Variants in ME1 observed in about 807,000 individuals in gnomAD.
ME1 encodes NADP-dependent malic enzyme.
ME1 carries 74 observed loss-of-function variants against 66.4 expected under a neutral mutation model. The observed-to-expected ratio is 1.11, with a 90% confidence interval of 0.92 to 1.35. The LOEUF (loss-of-function observed/expected upper bound fraction) is 1.35, where lower values mean the gene tolerates loss of function less well. Ranked by LOEUF, ME1 falls within the 40% of genes most tolerant of loss-of-function variation. The pLI is 0.00. For missense variants in ME1, 750 were observed against 694.1 expected, an observed-to-expected ratio of 1.08 and a Z score of -0.90; for synonymous variants, 251 against 235.6, an observed-to-expected ratio of 1.07 and a Z score of -0.60.
chr6:83,349,421 A>G (rs1768755625), intron 4 of ME1, among the ~76,000 whole-genome samples: 1 of 151,282 alleles, frequency 6.6e-6, no homozygotes, highest in Admixed American at 6.7e-5. Context: ...TAAGACAACT[A>G]CAATTCTATC....
rs540640359 is a variant in ME1 at position 83,224,730 on chromosome 6, A to T, written c.1276-797T>A. On this transcript the variant is annotated intron_variant, in intron 11 of 13. Coordinates refer to ENST00000369705, the MANE Select transcript of ME1 (RefSeq NM_002395.6). ...AATAATAATAATAAATAAATAAAAT[A>T]AAATAAAATAGTTATGTGGAGAATC... 1.8e-4 allele frequency among the ~76,000 whole-genome samples: 27 copies of T among 150,612 alleles called. No homozygotes were observed. In the South Asian group the frequency reaches 5.6e-3, roughly 31 times the overall value.
rs1180230 is a variant in ME1 at position 83,239,542 on chromosome 6, T to C, written c.909A>G (p.Gly303=). The change falls in exon 8 of 14, where the codon GGA becomes GGG. Residue 303 remains glycine (G), a synonymous_variant. Coordinates refer to ENST00000369705, the MANE Select transcript of ME1 (RefSeq NM_002395.6). The part of the protein sequence containing the change: ...SDQTILFQGA[G]EAALGIAHLI... Reference sequence around the variant, plus strand: ...AAGTATTACACAAGGCAAATACCTCTCCAGCTCCTTGGAATAGTATTGTTT... The same window carrying C: ...AAGTATTACACAAGGCAAATACCTCCCCAGCTCCTTGGAATAGTATTGTTT... The C allele has an allele frequency of 0.41, 654,349 of 1,604,228 alleles. 136,584 individuals carry two copies. The highest frequency in any genetic ancestry group is 0.56 in the African/African-American group (42,108 of 74,640).
chr6:83,350,013 C>T (rs978812722), intron 4 of ME1, among the ~76,000 whole-genome samples: 4 of 152,120 alleles, frequency 2.6e-5, no homozygotes, highest in Admixed American at 1.3e-4. Flanking sequence ...CTATTCCAGC[C>T]TTCTCTAAAT....
chr6:83,355,131 A>G (rs1768864679), intron 3 of ME1, among the ~76,000 whole-genome samples: 1 of 152,196 alleles, frequency 6.6e-6, no homozygotes, highest in African/African-American at 2.4e-5. Flanking sequence ...TCCCTGTCAT[A>G]GTCCAATGTG....
chr6:83,322,884 A>C (rs1477971529), intron 5 of ME1, among the ~76,000 whole-genome samples: 4 of 152,216 alleles, frequency 2.6e-5, no homozygotes, highest in Non-Finnish European at 4.4e-5. Flanking sequence ...ATGAAGAAAA[A>C]AATTTAAGGG....
chr6:83,403,984 T>C (rs1769885739), intron 2 of ME1, among the ~76,000 whole-genome samples: 1 of 152,224 alleles, frequency 6.6e-6, no homozygotes, highest in African/African-American at 2.4e-5. Context: ...TGTGTCTTTA[T>C]AGTAGAATGA....
chr6:83,219,442 C>T (rs913381547), intron 12 of ME1, among the ~76,000 whole-genome samples: 2 of 152,074 alleles, frequency 1.3e-5, no homozygotes, highest in African/African-American at 4.8e-5. Flanking sequence ...AATTAATTAA[C>T]CTTTTTAGAC....
chr6:83,227,021 T>C (rs1790208894), intron 11 of ME1, among the ~76,000 whole-genome samples: 1 of 152,158 alleles, frequency 6.6e-6, no homozygotes, highest in African/African-American at 2.4e-5. Flanking sequence ...AAAAGCTATT[T>C]TAATAAGCCT....
At chr6:83,391,471 T>C (rs1477366758) in intron 3 of ME1, among the ~76,000 whole-genome samples, 1 of 152,174 alleles carries the variant, frequency 6.6e-6, no homozygotes, top group African/African-American at 2.4e-5. Flanking sequence ...TTTATTTTAA[T>C]AGTCTCCTAA....
intron 5 of ME1, among the ~76,000 whole-genome samples, chr6:83,343,836 T>A (rs1057032295): frequency 2.6e-5 from 4 of 152,204 alleles, no homozygotes; most frequent in Non-Finnish European, 4.4e-5. Context: ...TTTTAAGACC[T>A]ACTTTCATGA....
chr6:83,226,279 C>T (rs1020393231), intron 11 of ME1, among the ~76,000 whole-genome samples: 3 of 152,080 alleles, frequency 2.0e-5, no homozygotes, highest in African/African-American at 4.8e-5. Context: ...ATAAATTTGG[C>T]TAATTTTGTT....
At chr6:83,295,702 A>G (rs1346445834) in intron 6 of ME1, among the ~76,000 whole-genome samples, 2 of 152,174 alleles carry the variant, frequency 1.3e-5, no homozygotes, top group Non-Finnish European at 2.9e-5. Flanking sequence ...ATAAGACATG[A>G]AAAACTATTT....
chr6:83,348,989 A>G (rs1359150713), intron 4 of ME1, among the ~76,000 whole-genome samples: 1 of 147,008 alleles, frequency 6.8e-6, no homozygotes, highest in Non-Finnish European at 1.5e-5. Flanking sequence ...TGTCTCAAAA[A>G]AAAAAAAAAA....
At chr6:83,288,679 T>C (rs540498045) in intron 6 of ME1, among the ~76,000 whole-genome samples, 5 of 152,144 alleles carry the variant, frequency 3.3e-5, no homozygotes, top group South Asian at 4.1e-4. Flanking sequence ...CAGTTTTTTC[T>C]AATTCTGTGA....
intron 6 of ME1, among the ~76,000 whole-genome samples, chr6:83,298,683 G>A (rs569625069): frequency 3.9e-5 from 6 of 152,058 alleles, no homozygotes; most frequent in African/African-American, 1.2e-4. Context: ...TTCTTCTAGG[G>A]TTTTTATAGC....
At chr6:83,297,707 C>T (rs1249411782) in intron 6 of ME1, among the ~76,000 whole-genome samples, 3 of 152,070 alleles carry the variant, frequency 2.0e-5, no homozygotes, top group Admixed American at 6.6e-5. Context: ...TATTAAGCCC[C>T]GCATGCATTA....
At chr6:83,316,441 T>C (rs1453130659) in intron 5 of ME1, among the ~76,000 whole-genome samples, 2 of 152,080 alleles carry the variant, frequency 1.3e-5, no homozygotes. Context: ...ATAAAGGACA[T>C]CTATGAAAAT....
intron 6 of ME1, among the ~76,000 whole-genome samples, chr6:83,270,873 A>G (rs1484542462): frequency 6.6e-6 from 1 of 152,174 alleles, no homozygotes; most frequent in African/African-American, 2.4e-5. Context: ...AATAAAAAGG[A>G]AAGGATTCAT....
chr6:83,399,033 G>A (rs1229295476), intron 2 of ME1, among the ~76,000 whole-genome samples: 9 of 151,788 alleles, frequency 5.9e-5, no homozygotes, highest in African/African-American at 1.9e-4. Flanking sequence ...TCGCTCTGTC[G>A]CCCAGGCTGG....
Sources: gnomAD v4.1 joint callset for allele counts (sites outside exome capture counted in the v4.1 genomes callset) on GRCh38, gnomAD v4.1.1 for gene constraint, MANE v1.5 for transcripts, NCBI Gene and HGNC (gene_info 2026-07-23, HGNC 2026-07-21) for gene names.